The following ITGBL1 variants were observed in gnomAD, a reference collection of about 807,000 sequenced individuals.
ITGBL1 encodes the protein integrin beta-like protein 1.
Under a neutral mutation model 68.5 loss-of-function variants are expected in ITGBL1, and 51 were observed. The ratio of observed to expected loss-of-function variants is 0.74; its 90% confidence interval spans 0.59 to 0.94. The LOEUF (loss-of-function observed/expected upper bound fraction) is 0.94. Among genes scored for constraint, ITGBL1 ranks in the 40% least tolerant of loss-of-function variants. The pLI, the probability that ITGBL1 is intolerant of heterozygous loss-of-function variation, is 0.00. For synonymous variants in ITGBL1, 209 were observed against 227.3 expected, an observed-to-expected ratio of 0.92 and a Z score of 0.72; for missense variants, 649 against 647.4, an observed-to-expected ratio of 1.00 and a Z score of -0.03.
intron 6 of ITGBL1, among the ~76,000 whole-genome samples, chr13:101,594,355 G>T (rs955209307): frequency 6.6e-6 from 1 of 152,126 alleles, no homozygotes; most frequent in Non-Finnish European, 1.5e-5. Flanking sequence ...TCGATAAATG[G>T]TGTTGGGACA....
chr13:101,526,100 CTG>C (rs1209644123), intron 2 of ITGBL1, among the ~76,000 whole-genome samples: 1 of 151,350 alleles, frequency 6.6e-6, no homozygotes, highest in African/African-American at 2.4e-5. Flanking sequence ...TTACTTGAAA[CTG>C]TGGCAGTAAG....
At chr13:101,644,172 G>A (rs971981935) in intron 7 of ITGBL1, among the ~76,000 whole-genome samples, 5 of 152,104 alleles carry the variant, frequency 3.3e-5, no homozygotes, top group Non-Finnish European at 5.9e-5. Flanking sequence ...CATACTTGTC[G>A]AGTACAGTCT....
At chr13:101,691,554 G>A (rs1423786516) in intron 7 of ITGBL1, among the ~76,000 whole-genome samples, 1 of 152,066 alleles carries the variant, frequency 6.6e-6, no homozygotes, top group African/African-American at 2.4e-5. Flanking sequence ...ATGATGGTTG[G>A]GCTAATGACA....
chr13:101,718,226 ATGTGTGTG>A, downstream of ITGBL1: 1 of 152,150 alleles, frequency 6.6e-6, no homozygotes, highest in Admixed American at 6.5e-5. Flanking sequence ...GTTTGTGTGT[ATGTGTGTG>A]TTTGTGTGTG....
chr13:101,531,819 G>A (rs993855597), intron 2 of ITGBL1, among the ~76,000 whole-genome samples: 50 of 151,504 alleles, frequency 3.3e-4, no homozygotes, highest in African/African-American at 1.1e-3. Context: ...TGCAAGCTCC[G>A]CCTCCCAAGG....
intron 3 of ITGBL1, among the ~76,000 whole-genome samples, chr13:101,571,858 A>G (rs963038320): frequency 6.6e-6 from 1 of 152,176 alleles, no homozygotes; most frequent in Non-Finnish European, 1.5e-5. Context: ...TCAAAAGCAC[A>G]GGACTGGATT....
At chr13:101,672,499 C>G (rs191584895) in intron 7 of ITGBL1, among the ~76,000 whole-genome samples, 1 of 152,168 alleles carries the variant, frequency 6.6e-6, no homozygotes, top group Non-Finnish European at 1.5e-5. Context: ...GCCAGCCACA[C>G]GTACAGTAAG....
intron 7 of ITGBL1, among the ~76,000 whole-genome samples, chr13:101,652,728 C>T (rs1227192643): frequency 6.6e-6 from 1 of 152,078 alleles, no homozygotes; most frequent in East Asian, 1.9e-4. Flanking sequence ...GAAGTGTTTC[C>T]TCAGAAACAC....
intron 2 of ITGBL1, among the ~76,000 whole-genome samples, chr13:101,501,312 T>C (rs1293511659): frequency 6.6e-6 from 1 of 152,164 alleles, no homozygotes; most frequent in Admixed American, 6.5e-5. Flanking sequence ...CTTGCAGTAA[T>C]GGTTGACCAT....
intron 7 of ITGBL1, among the ~76,000 whole-genome samples, chr13:101,616,170 T>A (rs1183760787): frequency 1.3e-5 from 2 of 151,984 alleles, no homozygotes; most frequent in Non-Finnish European, 2.9e-5. Flanking sequence ...ATTAAGAGGG[T>A]GAGGGAGGTC....
At chr13:101,628,786 A>G (rs1476231986) in intron 7 of ITGBL1, among the ~76,000 whole-genome samples, 1 of 151,674 alleles carries the variant, frequency 6.6e-6, no homozygotes, top group Non-Finnish European at 1.5e-5. Flanking sequence ...TATATGATGG[A>G]TATCTCTATT....
intron 6 of ITGBL1, among the ~76,000 whole-genome samples, chr13:101,587,619 T>G (rs1256522576): frequency 7.9e-5 from 12 of 152,208 alleles, no homozygotes; most frequent in Admixed American, 7.9e-4. Flanking sequence ...GACCTTAAAC[T>G]TTATCGTTCA....
At chr13:101,552,038 C>T (rs564558504) in intron 2 of ITGBL1, among the ~76,000 whole-genome samples, 30 of 152,274 alleles carry the variant, frequency 2.0e-4, no homozygotes, top group African/African-American at 7.2e-4. Context: ...TGTTTTCATG[C>T]TCTTTCCTCA....
chr13:101,636,878 A>G (rs948519636), intron 7 of ITGBL1, among the ~76,000 whole-genome samples: 8 of 152,168 alleles, frequency 5.3e-5, no homozygotes, highest in African/African-American at 1.9e-4. Flanking sequence ...TACTGCTTTG[A>G]TAAATTTTGT....
chr13:101,551,249 A>G (rs938067278), intron 2 of ITGBL1, among the ~76,000 whole-genome samples: 2 of 152,244 alleles, frequency 1.3e-5, no homozygotes, highest in Non-Finnish European at 2.9e-5. Context: ...GATGGTGGGA[A>G]TAAAATCTGA....
intron 2 of ITGBL1, among the ~76,000 whole-genome samples, chr13:101,529,533 G>A (rs2049436909): frequency 6.6e-6 from 1 of 152,144 alleles, no homozygotes; most frequent in South Asian, 2.1e-4. Context: ...CCCTATTTTT[G>A]GCAAGTATAG....
In ITGBL1 at chr13:101,532,574, C is replaced by G. The variant is rs114429912; in HGVS notation, c.317-35125C>G. Among the ~76,000 whole-genome samples the G allele has an allele frequency of 3.8e-3, 582 of 152,210 alleles. 7 individuals carry two copies. The highest frequency in any genetic ancestry group is 0.014 in the Middle Eastern group (4 of 294). ...CTGCTGGTGAAGTCTTCTTCACTCT[C>G]TGGTGCTTAAGATTAGAAAGAAAAA... is the stretch of plus-strand genomic sequence containing the variant. On this transcript the variant is annotated intron_variant, in intron 2 of 10. Coordinates refer to ENST00000376180, the MANE Select transcript of ITGBL1 (RefSeq NM_004791.3).
At chr13:101,655,574 A>G (rs370608388) in intron 7 of ITGBL1, among the ~76,000 whole-genome samples, 8 of 152,184 alleles carry the variant, frequency 5.3e-5, no homozygotes, top group Middle Eastern at 3.4e-3. Context: ...TATGCTTTCT[A>G]TTATTTCTGT....
At chr13:101,588,297 T>TTGTGTGTGTGTGTGTG (rs10661136) in intron 6 of ITGBL1, among the ~76,000 whole-genome samples, 24 of 149,786 alleles carry the variant, frequency 1.6e-4, no homozygotes, top group African/African-American at 3.4e-4. Context: ...TATTCTTCCA[T>TTGTGTGTGTGTGTGTG]TGTGTGTGTG....
Sources: allele counts gnomAD v4.1 joint callset (sites outside exome capture counted in the v4.1 genomes callset), GRCh38; gene constraint gnomAD v4.1.1; transcripts MANE v1.5; gene names NCBI Gene and HGNC (gene_info 2026-07-23, HGNC 2026-07-21).